DRC11: variants seen among roughly 807,000 people sequenced by gnomAD.
DRC11 encodes the protein dynein regulatory complex subunit 11, also known as IQ and AAA domain-containing protein 1.
At chr2:236,466,915 C>A in the DRC11 span, among the ~76,000 whole-genome samples, 1 of 152,166 alleles carries the variant, frequency 6.6e-6, no homozygotes. Flanking sequence ...TGAATATGTA[C>A]AGCCATAAAT....
the DRC11 span, among the ~76,000 whole-genome samples, chr2:236,316,412 C>T: frequency 6.6e-6 from 1 of 152,178 alleles, no homozygotes; most frequent in East Asian, 1.9e-4. This position sits in a 1 kb window ranked among gnomAD's most constrained non-coding sequence, Gnocchi z 6.8. Context: ...ATCCACCTGC[C>T]TTGGCCTCCC....
chr2:236,356,862 T>C, the DRC11 span, among the ~76,000 whole-genome samples: 1 of 148,408 alleles, frequency 6.7e-6, no homozygotes, highest in Non-Finnish European at 1.5e-5. Flanking sequence ...TCATCATTTG[T>C]CAAATATTTA....
At chr2:236,377,241 T>G in the DRC11 span, 1 of 1,069,768 alleles carries the variant, frequency 9.3e-7, no homozygotes. The surrounding 1 kb of genome is among the most constrained non-coding windows in gnomAD (Gnocchi z 4.9). Context: ...ATCGGCGGTA[T>G]TTCTGTTAAT....
chr2:236,317,294 C>CG, the DRC11 span, among the ~76,000 whole-genome samples: 819 of 147,708 alleles, frequency 5.5e-3, 6 homozygotes, highest in African/African-American at 0.017. This position sits in a 1 kb window ranked among gnomAD's most constrained non-coding sequence, Gnocchi z 5.4. Flanking sequence ...GATTCCATAT[C>CG]GGGGGAAAAA....
chr2:236,384,273 T>C, the DRC11 span, among the ~76,000 whole-genome samples: 1 of 152,054 alleles, frequency 6.6e-6, no homozygotes, highest in Non-Finnish European at 1.5e-5. Context: ...TAGTTTACAG[T>C]CCCACCAACA....
chr2:236,370,556 C>T, the DRC11 span, among the ~76,000 whole-genome samples: 1 of 152,100 alleles, frequency 6.6e-6, no homozygotes, highest in African/African-American at 2.4e-5. This position sits in a 1 kb window ranked among gnomAD's most constrained non-coding sequence, Gnocchi z 5.5. Context: ...TTCTCTGCAG[C>T]ACCCTGGTGC....
chr2:236,311,883 A>T, the DRC11 span, among the ~76,000 whole-genome samples: 1 of 152,146 alleles, frequency 6.6e-6, no homozygotes, highest in African/African-American at 2.4e-5. This position sits in a 1 kb window ranked among gnomAD's most constrained non-coding sequence, Gnocchi z 6.9. Context: ...TGGGGTTTGC[A>T]GAGGATGAAA....
At chr2:236,318,873 C>G in the DRC11 span, among the ~76,000 whole-genome samples, 1 of 152,144 alleles carries the variant, frequency 6.6e-6, no homozygotes, top group Non-Finnish European at 1.5e-5. The surrounding 1 kb of genome is among the most constrained non-coding windows in gnomAD (Gnocchi z 7.0). Context: ...GCTCATCTTC[C>G]TTTCCAGACA....
chr2:236,396,965 C>A, the DRC11 span, among the ~76,000 whole-genome samples: 1 of 152,154 alleles, frequency 6.6e-6, no homozygotes, highest in African/African-American at 2.4e-5. Flanking sequence ...TGGGCGCGGG[C>A]AGAGGGGGAC....
chr2:236,399,956 A>G, the DRC11 span, among the ~76,000 whole-genome samples: 1 of 151,984 alleles, frequency 6.6e-6, no homozygotes, highest in African/African-American at 2.4e-5. This position sits in a 1 kb window ranked among gnomAD's most constrained non-coding sequence, Gnocchi z 7.0. Flanking sequence ...AGCTCAGGCA[A>G]TCTGTCCCCC....
the DRC11 span, among the ~76,000 whole-genome samples, chr2:236,416,437 G>C: frequency 1.3e-5 from 2 of 151,866 alleles, no homozygotes; most frequent in African/African-American, 4.8e-5. Context: ...GTCCTGAAAG[G>C]GGTATCCAAG....
At chr2:236,372,530 C>T in the DRC11 span, among the ~76,000 whole-genome samples, 1 of 152,110 alleles carries the variant, frequency 6.6e-6, no homozygotes, top group African/African-American at 2.4e-5. The surrounding 1 kb of genome is among the most constrained non-coding windows in gnomAD (Gnocchi z 4.5). Context: ...GTTAAATGAT[C>T]ATTAGCAGCG....
chr2:236,418,850 T>C, the DRC11 span, among the ~76,000 whole-genome samples: 1 of 152,244 alleles, frequency 6.6e-6, no homozygotes, highest in Non-Finnish European at 1.5e-5. Flanking sequence ...ACAAGTGGGA[T>C]AATTTATTTT....
the DRC11 span, chr2:236,368,427 T>C: frequency 8.2e-6 from 5 of 610,742 alleles, no homozygotes; most frequent in Non-Finnish European, 1.5e-5. Flanking sequence ...AGAATCCTAT[T>C]AGGAGAGTCA....
At chr2:236,350,683 C>T in the DRC11 span, among the ~76,000 whole-genome samples, 1 of 152,222 alleles carries the variant, frequency 6.6e-6, no homozygotes, top group Non-Finnish European at 1.5e-5. The surrounding 1 kb of genome is among the most constrained non-coding windows in gnomAD (Gnocchi z 5.2). Context: ...TTGCATGGAC[C>T]AGGCGGCCGC....
chr2:236,430,046 G>A, the DRC11 span, among the ~76,000 whole-genome samples: 1 of 152,128 alleles, frequency 6.6e-6, no homozygotes, highest in African/African-American at 2.4e-5. The surrounding 1 kb of genome is among the most constrained non-coding windows in gnomAD (Gnocchi z 6.0). Flanking sequence ...CCTCAGCAGG[G>A]GTCTGCTGGA....
At chr2:236,399,679 C>T in the DRC11 span, among the ~76,000 whole-genome samples, 22 of 152,298 alleles carry the variant, frequency 1.4e-4, 1 homozygote, top group East Asian at 2.1e-3. This position sits in a 1 kb window ranked among gnomAD's most constrained non-coding sequence, Gnocchi z 7.0. Context: ...CCAGGCTCAC[C>T]GAAGCATCCC....
chr2:236,493,337 C>G, the DRC11 span, among the ~76,000 whole-genome samples: 6,432 of 152,214 alleles, frequency 0.042, 306 homozygotes, highest in East Asian at 0.16. Context: ...CATAGTCAAA[C>G]CATATCTACT....
At chr2:236,397,555 C>T in the DRC11 span, among the ~76,000 whole-genome samples, 7 of 152,278 alleles carry the variant, frequency 4.6e-5, no homozygotes, top group South Asian at 2.1e-4. This position sits in a 1 kb window ranked among gnomAD's most constrained non-coding sequence, Gnocchi z 5.0. Context: ...AGGTGCTCTT[C>T]GGAAGAAAAC....
Sources: allele counts gnomAD v4.1 joint callset (sites outside exome capture counted in the v4.1 genomes callset), GRCh38; gene constraint gnomAD v4.1.1; non-coding constraint Gnocchi (gnomAD v3.1); transcripts MANE v1.5; gene names NCBI Gene and HGNC (gene_info 2026-07-23, HGNC 2026-07-21).